The following MAPK8IP2 variants were observed in gnomAD, a reference collection of about 807,000 sequenced individuals.
MAPK8IP2 encodes mitogen-activated protein kinase 8 interacting protein 2, also known as C-Jun-amino-terminal kinase-interacting protein 2.
MAPK8IP2 carries 15 observed loss-of-function variants against 75.6 expected under a neutral mutation model. The ratio of observed to expected loss-of-function variants is 0.20; its 90% CI spans 0.13 to 0.31. The LOEUF is 0.31. MAPK8IP2 is among the 10% of genes least tolerant of loss of function. The pLI is 1.00. For missense variants in MAPK8IP2, 1,089 were observed against 1,211.2 expected (o/e 0.90, Z 1.50); for synonymous variants, 632 against 554.5 (o/e 1.14, Z -1.96).
chr22:50,606,842 A>G, intron 9 of MAPK8IP2, 77 bp downstream of exon 9: 2 of 1,592,862 alleles, frequency 1.3e-6, no homozygotes, highest in Non-Finnish European at 1.7e-6. Flanking sequence ...CCAGGCTGGC[A>G]GGGGTGTCCA....
rs373094479 is a variant in MAPK8IP2 at position 50,606,981 on chromosome 22, C to T, written c.2293C>T (p.Arg765Cys). ...CATCTCCTTCTGCGGCTGCCATCCC[C>T]GCAACAGCTGGTGAGAGTCTGACCG... is the stretch of plus-strand genomic sequence containing the variant. ...KNISFCGCHP[R>C]NSCYFGFITK... The change falls in exon 10 of 12, where the codon CGC becomes TGC. Residue 765 changes from arginine to cysteine, a missense_variant. By Grantham distance (180) the Arg-to-Cys change is radical (BLOSUM62 -3). Transcript: ENST00000329492. 1.4e-5 allele frequency: 23 copies of T among 1,613,554 alleles called. No individual in the cohort carries two copies. The Middle Eastern group carries it at 6.6e-4, about 46-fold the overall frequency.
rs370214341 is a variant in MAPK8IP2, at chr22:50,603,447, G to A, written c.396G>A (p.Glu132=). 92 of 1,568,894 alleles carry A rather than the reference G, an allele frequency of 5.9e-5. No homozygotes were observed. The African/African-American group carries it at 1.1e-3, about 19-fold the overall frequency. Residue 132 remains glutamate (E), a synonymous_variant, in exon 3 of 12, where the codon GAG becomes GAA. Coordinates refer to ENST00000329492, the MANE Select transcript of MAPK8IP2 (RefSeq NM_012324.6). ...GPLIPSPSVE[E]PHKHRPTTLR... Reference sequence around the variant, plus strand: ...TTATCCCCTCCCCTTCCGTGGAGGAGCCCCACAAGCACCGGCCCACCACCC... The same window carrying A: ...TTATCCCCTCCCCTTCCGTGGAGGAACCCCACAAGCACCGGCCCACCACCC...
rs1465291748 is a variant in MAPK8IP2, at chr22:50,600,962, C to A, written c.65+79C>A. ...CCGACCCCGACCCGGCCCGGACCCC[C>A]GTCCCCGCCGCCCCAGCCCCGCCGC... On this transcript the variant is annotated intron_variant, in intron 1 of 11. Coordinates refer to ENST00000329492, the MANE Select transcript of MAPK8IP2 (RefSeq NM_012324.6). 1.6e-5 allele frequency: 7 copies of A among 445,416 alleles called. No individual in the cohort carries two copies. In the South Asian group the frequency reaches 4.1e-4, roughly 26 times the overall value. The allele number at this position is 445,416 out of a possible 1,614,324, so 27.6% of individuals were successfully genotyped here. A position where few individuals can be genotyped will look rare whatever the true frequency, so the allele number is the denominator to read the frequency against.
Position 50,604,662 on chromosome 22 carries a change from C to T in MAPK8IP2, c.1363C>T (p.Arg455Cys), listed in dbSNP as rs1300585124. 12 of 1,521,774 alleles carry T rather than the reference C, an allele frequency of 7.9e-6. No individual in the cohort carries two copies. The highest frequency in any genetic ancestry group is 3.7e-5 in the South Asian group (3 of 81,848). 94.3% of individuals were successfully genotyped at this position (1,521,774 alleles called of 1,614,324 possible). Residue 455 changes from arginine to cysteine, a missense_variant, in exon 5 of 12, where the codon CGC becomes TGC. Physicochemically the swap from Arg to Cys is radical, Grantham distance 180. Transcript: ENST00000329492. ...CACGCCGCTGTGGGCCGCGCCCGGC[C>T]GCGCCGCCCGCCCGGGACGAGCCTG... Reference protein sequence around the residue: ...TITPLWAAPGRAARPGRACSA... With the variant: ...TITPLWAAPGCAARPGRACSA...
chr22:50,604,429 C>A lies in MAPK8IP2; in HGVS notation c.1130C>A (p.Pro377Gln). ...CCCGGCCAGTGCCTGTCTCCTGCGC[C>A]GCGCCCGCCCGGGGAGCCCGTGTCG... Reference protein sequence around the residue: ...RCPGQCLSPAPRPPGEPVSPA... With the variant: ...RCPGQCLSPAQRPPGEPVSPA... Residue 377 changes from proline (P) to glutamine (Q), a missense_variant, in exon 5 of 12, where the codon CCG (proline) becomes CAG (glutamine). By Grantham distance (76) the Pro-to-Gln change is moderately conservative (BLOSUM62 -1). Coordinates refer to ENST00000329492, the MANE Select transcript of MAPK8IP2 (RefSeq NM_012324.6). 1 of 1,446,306 alleles carries A rather than the reference C, an allele frequency of 6.9e-7. No homozygotes were observed. The highest frequency in any genetic ancestry group is 2.6e-5 in the Admixed American group (1 of 39,062). 89.6% of individuals were successfully genotyped at this position (1,446,306 alleles called of 1,614,324 possible). A position where few individuals can be genotyped will look rare whatever the true frequency, so the allele number is the denominator to read the frequency against.
At chr22:50,602,904 A>T (rs2070960797) in intron 2 of MAPK8IP2, among the ~76,000 whole-genome samples, 1 of 152,196 alleles carries the variant, frequency 6.6e-6, no homozygotes, top group Non-Finnish European at 1.5e-5. Flanking sequence ...AAGTTGTGTT[A>T]AAACGCTGCG....
At chr22:50,603,108 G>A in intron 2 of MAPK8IP2, 115 bp from the exon 3 acceptor site, 1 of 1,582,578 alleles carries the variant, frequency 6.3e-7, no homozygotes, top group South Asian at 1.1e-5. Context: ...GGCAGAGTGA[G>A]CTGGAAGGGG....
rs2071067311 is a variant in MAPK8IP2, at chr22:50,607,192, T to C, written c.2303+201T>C. Among the ~76,000 whole-genome samples the C allele has an allele frequency of 6.6e-6, 1 of 152,098 alleles. No individual in the cohort carries two copies. Among genetic ancestry groups the C allele is most frequent in the Non-Finnish European group, 1.5e-5 (1 of 68,016 alleles). Reference sequence around the variant, plus strand: ...TCAGGAGGCGTGGGTCAGACAGGCTTGCATCCAGTCTGGGTGGAGAGAGGC... The same window carrying C: ...TCAGGAGGCGTGGGTCAGACAGGCTCGCATCCAGTCTGGGTGGAGAGAGGC... On this transcript the variant is annotated intron_variant, in intron 10 of 11. Coordinates refer to ENST00000329492, the MANE Select transcript of MAPK8IP2 (RefSeq NM_012324.6). The surrounding 1 kb of genome is among the most constrained non-coding windows in gnomAD (Gnocchi z 5.6).
chr22:50,600,936 C>A (rs1034077694), intron 1 of MAPK8IP2, 53 bp downstream of exon 1: 17 of 723,436 alleles, frequency 2.3e-5, no homozygotes, highest in Non-Finnish European at 2.9e-5. Context: ...TGCGCACCCC[C>A]CCGACCCCGA....
chr22:50,603,156 T>C, intron 2 of MAPK8IP2, 67 bp from the exon 3 acceptor site: 1 of 1,609,818 alleles, frequency 6.2e-7, no homozygotes, highest in Non-Finnish European at 8.5e-7. Flanking sequence ...TCCCTTCTCC[T>C]AGCACCTGGG....
intron 2 of MAPK8IP2, 69 bp downstream of exon 2, chr22:50,601,963 C>G (rs931938682): frequency 7.4e-7 from 1 of 1,352,592 alleles, no homozygotes; most frequent in Non-Finnish European, 1.1e-6. Flanking sequence ...TTAGCGTTCA[C>G]TTGGGGTTTT....
Position 50,605,075 on chromosome 22 carries a change from G to T in MAPK8IP2, c.1765+11G>T, listed in dbSNP as rs1472668473. ...CATCTCGGTCCTCCAGTGAGTGAGA[G>T]GTGGGGAAAAGGGGGGTGGCCCAGA... On this transcript the variant is annotated intron_variant, in intron 5 of 11. Coordinates refer to ENST00000329492, the MANE Select transcript of MAPK8IP2 (RefSeq NM_012324.6). 1 of 1,612,224 alleles carries T rather than the reference G, an allele frequency of 6.2e-7. No homozygotes were observed. The highest frequency in any genetic ancestry group is 1.1e-5 in the South Asian group (1 of 91,074).
In MAPK8IP2 at chr22:50,611,531, A is replaced by G. The variant is rs1488071578; in HGVS notation, c.*752A>G. The G allele has an allele frequency of 6.6e-6, 1 of 152,224 alleles. No individual in the cohort carries two copies. Among genetic ancestry groups the G allele is most frequent in the Non-Finnish European group, 1.5e-5 (1 of 68,146 alleles). 9.4% of individuals were successfully genotyped at this position (152,224 alleles called of 1,614,324 possible). ...CTGGGCCCTGCCCATGGCCTCAATAAACTCTCTGCTTGGTGTGACATTGGC... is the reference window on the plus strand; with the variant it reads ...CTGGGCCCTGCCCATGGCCTCAATAGACTCTCTGCTTGGTGTGACATTGGC... On this transcript the variant is annotated 3_prime_UTR_variant, in exon 12 of 12. Transcript: ENST00000329492. This position sits in a 1 kb window ranked among gnomAD's most constrained non-coding sequence, Gnocchi z 5.5.
At position 50,611,928 on chromosome 22, in the gene MAPK8IP2, T is replaced by C. The variant is rs2071157742; in HGVS notation, c.*1149T>C. 6.6e-6 allele frequency: 1 copy of C among 152,134 alleles called. No homozygotes were observed. The highest frequency in any genetic ancestry group is 2.1e-4 in the South Asian group (1 of 4,814). 9.4% of individuals were successfully genotyped at this position (152,134 alleles called of 1,614,324 possible). On this transcript the variant is annotated 3_prime_UTR_variant, in exon 12 of 12. Coordinates refer to ENST00000329492, the MANE Select transcript of MAPK8IP2 (RefSeq NM_012324.6). This position sits in a 1 kb window ranked among gnomAD's most constrained non-coding sequence, Gnocchi z 5.5. ...GCTCACGCTTGTAATCCCAACACTT[T>C]GGGAGGCCGAGCCGGGGCGTATCAC...
chr22:50,601,130 G>A (rs2070929876), intron 1 of MAPK8IP2: 2 of 159,140 alleles, frequency 1.3e-5, no homozygotes, highest in Admixed American at 6.4e-5. Context: ...TCTGAGCCGC[G>A]CCCGGCCTGG....
Position 50,613,036 on chromosome 22 carries a change from G to C in MAPK8IP2, c.*2257G>C, listed in dbSNP as rs1392012261. ...CCTTCTCCAATCTCATGGTCTTCTT[G>C]AGCTTGGCCGCCCTCCACGCCCCAT... is the stretch of plus-strand genomic sequence containing the variant. On this transcript the variant is annotated 3_prime_UTR_variant, in exon 12 of 12. Transcript: ENST00000329492. 3.3e-5 allele frequency: 5 copies of C among 152,576 alleles called. No homozygotes were observed. Among genetic ancestry groups the C allele is most frequent in the Admixed American group, 2.6e-4 (4 of 15,272 alleles). 9.5% of individuals were successfully genotyped at this position (152,576 alleles called of 1,614,324 possible). A position where few individuals can be genotyped will look rare whatever the true frequency, so the allele number is the denominator to read the frequency against.
chr22:50,605,584 G>C lies in MAPK8IP2; in HGVS notation c.1864G>C (p.Glu622Gln), dbSNP rs780550372. ...CAGGTTCATCCCGCGGCATCCAGACGAGCTGGAGCTGGATGTGGATGACCC... is the reference window on the plus strand; with the variant it reads ...CAGGTTCATCCCGCGGCATCCAGACCAGCTGGAGCTGGATGTGGATGACCC... Reference protein sequence around the residue: ...VFRFIPRHPDELELDVDDPVL... With the variant: ...VFRFIPRHPDQLELDVDDPVL... Residue 622 changes from glutamate to glutamine, a missense_variant, in exon 7 of 12, where the codon GAG becomes CAG. Coordinates refer to ENST00000329492, the MANE Select transcript of MAPK8IP2 (RefSeq NM_012324.6). 1.3e-6 allele frequency: 2 copies of C among 1,595,274 alleles called. No homozygotes were observed. Among genetic ancestry groups the C allele is most frequent in the Non-Finnish European group, 1.7e-6 (2 of 1,170,518 alleles).
intron 2 of MAPK8IP2, 91 bp from the exon 3 acceptor site, chr22:50,603,132 G>A (rs1569063265): frequency 1.2e-6 from 2 of 1,603,696 alleles, no homozygotes; most frequent in South Asian, 1.1e-5. Flanking sequence ...TCCTTTGACT[G>A]ATGCTCCCCG....
chr22:50,601,873 C>T lies in MAPK8IP2; in HGVS notation c.150C>T (p.Tyr50=), dbSNP rs926155577. 9.3e-6 allele frequency: 15 copies of T among 1,613,518 alleles called. No individual in the cohort carries two copies. The highest frequency in any genetic ancestry group is 4.5e-5 in the East Asian group (2 of 44,884). Residue 50 remains tyrosine, a synonymous_variant, in exon 2 of 12, where the codon TAC becomes TAT. Coordinates refer to ENST00000329492, the MANE Select transcript of MAPK8IP2 (RefSeq NM_012324.6). Reference sequence around the variant, plus strand: ...ATGACTGTGGCCTGGGCCTCAGCTACGACTCAGACCACTGTGAGAAGGTGG... The same window carrying T: ...ATGACTGTGGCCTGGGCCTCAGCTATGACTCAGACCACTGTGAGAAGGTGG... ...ITDDCGLGLS[Y]DSDHCEKDSL...
Sources: allele counts gnomAD v4.1 joint callset (sites outside exome capture counted in the v4.1 genomes callset), GRCh38; gene constraint gnomAD v4.1.1; non-coding constraint Gnocchi (gnomAD v3.1); transcripts MANE v1.5; gene names NCBI Gene and HGNC (gene_info 2026-07-23, HGNC 2026-07-21).